The following CABLES1 variants were observed in gnomAD, a reference collection of about 807,000 sequenced individuals.
CABLES1 encodes Cdk5 and Abl enzyme substrate 1, also known as CDK5 and ABL1 enzyme substrate 1.
Under a neutral mutation model 57.8 loss-of-function variants are expected in CABLES1, and 36 were observed. The observed-to-expected ratio is 0.62, with a 90% CI of 0.48 to 0.82. The LOEUF (loss-of-function observed/expected upper bound fraction) is 0.82. Among genes scored for constraint, CABLES1 ranks in the 40% least tolerant of loss-of-function variants. The pLI is 0.00. For synonymous variants in CABLES1, 374 were observed against 363.0 expected (o/e 1.03, Z -0.35); for missense variants, 767 against 836.6 (o/e 0.92, Z 1.03).
At chr18:23,247,960 G>A (rs1399210365) in intron 7 of CABLES1, among the ~76,000 whole-genome samples, 1 of 152,204 alleles carries the variant, frequency 6.6e-6, no homozygotes, top group Non-Finnish European at 1.5e-5. Flanking sequence ...TCCCTGCCAG[G>A]GCCTAGCTTG....
At chr18:23,207,434 G>C (rs934162616) in intron 3 of CABLES1, among the ~76,000 whole-genome samples, 2 of 152,198 alleles carry the variant, frequency 1.3e-5, no homozygotes. Flanking sequence ...ACTGTAGACT[G>C]GTTGCCACTT....
chr18:23,225,097 G>C lies in CABLES1; in HGVS notation c.1089-9511G>C, dbSNP rs1189966038. On this transcript the variant is annotated intron_variant, in intron 4 of 9. Coordinates refer to ENST00000256925, the MANE Select transcript of CABLES1 (RefSeq NM_001100619.3). Reference sequence around the variant, plus strand: ...GCCCAGGCTGGTCTCAAAATCCTGGGCTCAAGCCATCCTCCCACCTCGGCC... The same window carrying C: ...GCCCAGGCTGGTCTCAAAATCCTGGCCTCAAGCCATCCTCCCACCTCGGCC... Among the ~76,000 whole-genome samples the C allele has an allele frequency of 2.6e-5, 4 of 152,064 alleles. No individual in the cohort carries two copies. In the East Asian group the frequency reaches 7.7e-4, roughly 29 times the overall value.
In CABLES1 at chr18:23,150,507, C is replaced by T. The variant is rs557989298; in HGVS notation, c.845+13900C>T. Among the ~76,000 whole-genome samples the T allele has an allele frequency of 9.3e-4, 141 of 152,222 alleles. 1 individual carries two copies. The South Asian group carries it at 0.028, about 30-fold the overall frequency. On this transcript the variant is annotated intron_variant, in intron 1 of 9. Coordinates refer to ENST00000256925, the MANE Select transcript of CABLES1 (RefSeq NM_001100619.3). Reference sequence around the variant, plus strand: ...CTGGGATTACAGCCGTGAGCCACCACGCCCAGCCAGGTCGTAGTAGTTTTT... The same window carrying T: ...CTGGGATTACAGCCGTGAGCCACCATGCCCAGCCAGGTCGTAGTAGTTTTT...
At chr18:23,173,725 G>A (rs1598811288) in intron 1 of CABLES1, among the ~76,000 whole-genome samples, 1 of 152,366 alleles carries the variant, frequency 6.6e-6, no homozygotes, top group East Asian at 1.9e-4. Flanking sequence ...CATTCTGGGA[G>A]GTCGAGGTGG....
chr18:23,136,678 CTG>C (rs1301386379), intron 1 of CABLES1, 71 bp downstream of exon 1: 42 of 1,046,014 alleles, frequency 4.0e-5, no homozygotes, highest in Non-Finnish European at 5.1e-5. Flanking sequence ...CCCGCGGTCT[CTG>C]GGCTACGGGA....
chr18:23,199,015 T>A (rs1360394849), intron 3 of CABLES1, among the ~76,000 whole-genome samples: 1 of 152,196 alleles, frequency 6.6e-6, no homozygotes, highest in Non-Finnish European at 1.5e-5. Context: ...GACGAGAATG[T>A]GGGAGATGAA....
At chr18:23,192,128 G>A (rs1181676203) in intron 2 of CABLES1, among the ~76,000 whole-genome samples, 1 of 152,194 alleles carries the variant, frequency 6.6e-6, no homozygotes, top group Non-Finnish European at 1.5e-5. Context: ...CAAGAACTGA[G>A]CATGCGTCAT....
In CABLES1 at chr18:23,156,247, C is replaced by A. The variant is rs548290930; in HGVS notation, c.845+19640C>A. Among the ~76,000 whole-genome samples the A allele has an allele frequency of 2.6e-5, 4 of 152,182 alleles. No homozygotes were observed. The East Asian group carries it at 7.7e-4, about 29-fold the overall frequency. On this transcript the variant is annotated intron_variant, in intron 1 of 9. Coordinates refer to ENST00000256925, the MANE Select transcript of CABLES1 (RefSeq NM_001100619.3). ...CTCTCACATGGATAAGAAGGAACCT[C>A]GGAGGCCCTGGGAGGTGAGCCTGCC...
rs185460524 is a variant in CABLES1, at chr18:23,179,267, C to T, written c.846-9571C>T. On this transcript the variant is annotated intron_variant, in intron 1 of 9. Transcript: ENST00000256925. ...CGCCACTGCACTCCACCCTGGGAGA[C>T]AGAGACTCCGTCTAAAAAAATAAAG... Among the ~76,000 whole-genome samples the T allele has an allele frequency of 6.4e-4, 98 of 152,242 alleles. 1 individual carries two copies. The highest frequency in any genetic ancestry group is 1.1e-3 in the Non-Finnish European group (74 of 68,020).
rs142699693 is a variant in CABLES1, at chr18:23,185,780, C to T, written c.846-3058C>T. 3.2e-4 allele frequency among the ~76,000 whole-genome samples: 48 copies of T among 152,270 alleles called. No homozygotes were observed. In the East Asian group the frequency reaches 8.1e-3, roughly 26 times the overall value. ...AGAACGTGTCGAGATTCTCAGGATC[C>T]GAAGCCTATACATTTATTTCTGCCT... On this transcript the variant is annotated intron_variant, in intron 1 of 9. Transcript: ENST00000256925.
chr18:23,156,955 G>C (rs2046969963), intron 1 of CABLES1, among the ~76,000 whole-genome samples: 1 of 152,188 alleles, frequency 6.6e-6, no homozygotes, highest in South Asian at 2.1e-4. Flanking sequence ...AATGAGCTGA[G>C]AGAAGGCATG....
At chr18:23,251,397 G>A (rs915391311) in intron 7 of CABLES1, among the ~76,000 whole-genome samples, 1 of 152,082 alleles carries the variant, frequency 6.6e-6, no homozygotes, top group African/African-American at 2.4e-5. Flanking sequence ...GTTGCAGTGA[G>A]CCGAGATTGC....
chr18:23,154,499 G>A (rs1327761164), intron 1 of CABLES1, among the ~76,000 whole-genome samples: 1 of 152,122 alleles, frequency 6.6e-6, no homozygotes, highest in African/African-American at 2.4e-5. Flanking sequence ...AGGGGGAGAC[G>A]ATATTTAACA....
At chr18:23,151,624 A>G (rs1396263795) in intron 1 of CABLES1, among the ~76,000 whole-genome samples, 1 of 152,108 alleles carries the variant, frequency 6.6e-6, no homozygotes, top group Non-Finnish European at 1.5e-5. Flanking sequence ...TGAGTCACAG[A>G]GCGGGGACAG....
chr18:23,226,690 G>A (rs904453198), intron 4 of CABLES1, among the ~76,000 whole-genome samples: 3 of 152,194 alleles, frequency 2.0e-5, no homozygotes, highest in Non-Finnish European at 4.4e-5. Flanking sequence ...GACTGCAGGT[G>A]TTGTATGGAG....
At chr18:23,211,241 C>T (rs2047402666) in intron 3 of CABLES1, among the ~76,000 whole-genome samples, 1 of 152,182 alleles carries the variant, frequency 6.6e-6, no homozygotes, top group Admixed American at 6.5e-5. Context: ...AGGAAGGACA[C>T]CTTAGCATGA....
At chr18:23,255,704 C>A (rs2048147405) in intron 9 of CABLES1, among the ~76,000 whole-genome samples, 2 of 151,944 alleles carry the variant, frequency 1.3e-5, no homozygotes, top group African/African-American at 4.8e-5. Flanking sequence ...GAACTACAGG[C>A]ATGTACCACT....
In CABLES1 at chr18:23,253,717, G is replaced by A; in HGVS notation, c.1554-12G>A. 1 of 1,612,752 alleles carries A rather than the reference G, an allele frequency of 6.2e-7. No homozygotes were observed. Among genetic ancestry groups the A allele is most frequent in the East Asian group, 2.2e-5 (1 of 44,862 alleles). ...TTCACAAGACTGTTCCCTCTTGCCTGTCTTTCTCCAGTCTGAAACGAGAGA... is the reference window on the plus strand; with the variant it reads ...TTCACAAGACTGTTCCCTCTTGCCTATCTTTCTCCAGTCTGAAACGAGAGA... On this transcript the variant is annotated splice_polypyrimidine_tract_variant and intron_variant, in intron 8 of 9. Coordinates refer to ENST00000256925, the MANE Select transcript of CABLES1 (RefSeq NM_001100619.3).
chr18:23,251,561 T>TTTTTTCTGG (rs1232333427), intron 7 of CABLES1, among the ~76,000 whole-genome samples: 8 of 152,176 alleles, frequency 5.3e-5, no homozygotes, highest in African/African-American at 1.7e-4. Context: ...AGAAAAAAAT[T>TTTTTTCTGG]GTTTAATTCA....
Sources: allele counts gnomAD v4.1 joint callset (sites outside exome capture counted in the v4.1 genomes callset), GRCh38; gene constraint gnomAD v4.1.1; transcripts MANE v1.5; gene names NCBI Gene and HGNC (gene_info 2026-07-23, HGNC 2026-07-21).